ICOS: variants seen among roughly 807,000 people sequenced by gnomAD.
The protein encoded by ICOS is inducible T-cell costimulator.
Under a neutral mutation model 24.6 loss-of-function variants are expected in ICOS, and 15 were observed. The ratio of observed to expected loss-of-function variants is 0.61; its 90% CI spans 0.41 to 0.94. The LOEUF is 0.94. Among genes scored for constraint, ICOS ranks in the 40% least tolerant of loss-of-function variants. ICOS has a pLI of 0.00. For synonymous variants in ICOS, 89 were observed against 77.5 expected, an observed-to-expected ratio of 1.15 and a Z score of -0.78; for missense variants, 200 against 233.0, an observed-to-expected ratio of 0.86 and a Z score of 0.92.
chr2:203,958,847 C>T (rs1044882286), intron 4 of ICOS, among the ~76,000 whole-genome samples: 2 of 152,086 alleles, frequency 1.3e-5, no homozygotes, highest in African/African-American at 4.8e-5. Flanking sequence ...TATGATCTCT[C>T]AATCTCTTTG....
chr2:203,946,416 T>A (rs1689869220), intron 1 of ICOS, among the ~76,000 whole-genome samples: 2 of 151,472 alleles, frequency 1.3e-5, no homozygotes, highest in South Asian at 4.1e-4. Context: ...CCCATTTTTT[T>A]TTTTTTGCTT....
chr2:203,959,956 A>G lies in ICOS; in HGVS notation c.*357A>G, dbSNP rs774432556. On this transcript the variant is annotated 3_prime_UTR_variant, in exon 5 of 5. Coordinates refer to ENST00000316386, the MANE Select transcript of ICOS (RefSeq NM_012092.4). ...AAAATGTTTTAAAGATGCCAGGGGTACTGAATCTGCAAAGCAAATGAGCAG... is the reference window on the plus strand; with the variant it reads ...AAAATGTTTTAAAGATGCCAGGGGTGCTGAATCTGCAAAGCAAATGAGCAG... 2.7e-6 allele frequency: 1 copy of G among 373,304 alleles called. No individual in the cohort carries two copies. Among genetic ancestry groups the G allele is most frequent in the Non-Finnish European group, 5.1e-6 (1 of 194,704 alleles). 23.1% of individuals were successfully genotyped at this position (373,304 alleles called of 1,614,324 possible). A position where few individuals can be genotyped will look rare whatever the true frequency, so the allele number is the denominator to read the frequency against.
At chr2:203,949,285 G>GT (rs1382715914) in intron 1 of ICOS, among the ~76,000 whole-genome samples, 1 of 152,222 alleles carries the variant, frequency 6.6e-6, no homozygotes, top group East Asian at 1.9e-4. Context: ...ACACTCAGTT[G>GT]TTAGTGACCA....
chr2:203,945,365 A>G (rs753527128), intron 1 of ICOS, among the ~76,000 whole-genome samples: 1 of 152,202 alleles, frequency 6.6e-6, no homozygotes, highest in African/African-American at 2.4e-5. Context: ...AGAGGAAGAA[A>G]TGAGGAAGAC....
chr2:203,956,817 A>C (rs1214451910), intron 3 of ICOS, 52 bp downstream of exon 3: 10 of 1,193,482 alleles, frequency 8.4e-6, no homozygotes, highest in Non-Finnish European at 1.0e-5. Context: ...CACATCAGTG[A>C]TTATTTCCTC....
intron 1 of ICOS, among the ~76,000 whole-genome samples, 189 bp downstream of exon 1, chr2:203,937,061 G>T (rs532380362): frequency 1.5e-4 from 23 of 152,236 alleles, no homozygotes; most frequent in South Asian, 6.2e-4. Context: ...TTGCATTGCT[G>T]CCTTTGATAC....
intron 1 of ICOS, among the ~76,000 whole-genome samples, chr2:203,945,098 A>G (rs1341738538): frequency 6.6e-6 from 1 of 152,206 alleles, no homozygotes; most frequent in African/African-American, 2.4e-5. Context: ...TAAGCAATAG[A>G]ACACTAATAG....
chr2:203,938,730 G>A (rs1353177492), intron 1 of ICOS, among the ~76,000 whole-genome samples: 1 of 152,164 alleles, frequency 6.6e-6, no homozygotes, highest in Non-Finnish European at 1.5e-5. Context: ...GCCTTAGGTA[G>A]GATTGTTTTA....
chr2:203,945,762 A>G (rs1184497224), intron 1 of ICOS, among the ~76,000 whole-genome samples: 1 of 152,234 alleles, frequency 6.6e-6, no homozygotes, highest in Admixed American at 6.5e-5. Flanking sequence ...GTTGACCAAC[A>G]TGTCATTTAT....
chr2:203,943,122 T>A (rs1318338112), intron 1 of ICOS, among the ~76,000 whole-genome samples: 2 of 152,246 alleles, frequency 1.3e-5, no homozygotes, highest in African/African-American at 4.8e-5. Flanking sequence ...CCCGATTAGC[T>A]TAATAACTAA....
rs1273996040 is a variant in ICOS, at chr2:203,937,412, T to C, written c.58+540T>C. On this transcript the variant is annotated intron_variant, in intron 1 of 4. Transcript: ENST00000316386. ...CCCTAAAAAGCCAAGGAGGAAAGGA[T>C]AATGTAAAAATACTTCCTAGCCCCT... 3.9e-5 allele frequency among the ~76,000 whole-genome samples: 6 copies of C among 152,158 alleles called. No homozygotes were observed. In the South Asian group the frequency reaches 6.2e-4, roughly 16 times the overall value.
chr2:203,959,845 C>T lies in ICOS; in HGVS notation c.*246C>T. On this transcript the variant is annotated 3_prime_UTR_variant, in exon 5 of 5. Transcript: ENST00000316386. ...AACCAGCTTTGGAGAAAGCCCAGCT[C>T]CTGTGTGCTCACTGGGAGTGGAATC... 1 of 584,406 alleles carries T rather than the reference C, an allele frequency of 1.7e-6. No individual in the cohort carries two copies. The highest frequency in any genetic ancestry group is 3.1e-6 in the Non-Finnish European group (1 of 323,312). The allele number at this position is 584,406 out of a possible 1,614,324, so 36.2% of individuals were successfully genotyped here. A position where few individuals can be genotyped will look rare whatever the true frequency, so the allele number is the denominator to read the frequency against.
chr2:203,954,053 A>C (rs1690030671), intron 1 of ICOS, among the ~76,000 whole-genome samples: 1 of 152,220 alleles, frequency 6.6e-6, no homozygotes, highest in South Asian at 2.1e-4. Context: ...TTCAAAACTT[A>C]GGAAAAAACC....
rs551448464 is a variant in ICOS at position 203,941,888 on chromosome 2, A to T, written c.58+5016A>T. Among the ~76,000 whole-genome samples the T allele has an allele frequency of 3.9e-5, 6 of 152,336 alleles. No individual in the cohort carries two copies. The East Asian group carries it at 9.6e-4, about 24-fold the overall frequency. On this transcript the variant is annotated intron_variant, in intron 1 of 4. Transcript: ENST00000316386. ...AATAGTTTGGCCTGTAAGGTTGACCAAAACAGGTAAAGATTTGCAAGTTTA... is the reference window on the plus strand; with the variant it reads ...AATAGTTTGGCCTGTAAGGTTGACCTAAACAGGTAAAGATTTGCAAGTTTA...
rs144271843 is a variant in ICOS, at chr2:203,954,842, A to G, written c.59-794A>G. 1.5e-3 allele frequency among the ~76,000 whole-genome samples: 221 copies of G among 148,708 alleles called. 1 individual carries two copies. Among genetic ancestry groups the G allele is most frequent in the African/African-American group, 5.0e-3 (207 of 41,026 alleles). On this transcript the variant is annotated intron_variant, in intron 1 of 4. Coordinates refer to ENST00000316386, the MANE Select transcript of ICOS (RefSeq NM_012092.4). ...ACATAGTCTCTATATATTGTAATAT[A>G]CATATACATATAATACATATATTTT...
chr2:203,959,689 AGTCTGACT>A lies in ICOS; in HGVS notation c.*91_*98del. On this transcript the variant is annotated 3_prime_UTR_variant, in exon 5 of 5. Transcript: ENST00000316386. ...TTCTCTTATTTCCGGGACCACGGAG[AGTCTGACT>A]TAACTACATACATCTTCTGCTGGTG... The A allele has an allele frequency of 8.4e-7, 1 of 1,183,982 alleles. No homozygotes were observed. The highest frequency in any genetic ancestry group is 1.3e-6 in the Non-Finnish European group (1 of 790,696). The allele number at this position is 1,183,982 out of a possible 1,614,324, so 73.3% of individuals were successfully genotyped here. A position where few individuals can be genotyped will look rare whatever the true frequency, so the allele number is the denominator to read the frequency against.
intron 1 of ICOS, among the ~76,000 whole-genome samples, chr2:203,940,764 T>C (rs1689752934): frequency 6.6e-6 from 1 of 152,116 alleles, no homozygotes; most frequent in African/African-American, 2.4e-5. Context: ...TCTCTCCCTC[T>C]GTTTCTCTTT....
chr2:203,949,483 CTG>C (rs1689932701), intron 1 of ICOS, among the ~76,000 whole-genome samples: 1 of 152,110 alleles, frequency 6.6e-6, no homozygotes, highest in Admixed American at 6.5e-5. Context: ...CCAGATCTGA[CTG>C]TGTATGATGC....
intron 1 of ICOS, among the ~76,000 whole-genome samples, chr2:203,954,785 A>G (rs149569961): frequency 1.0e-3 from 158 of 151,502 alleles, no homozygotes; most frequent in African/African-American, 3.6e-3. Context: ...ATATGTATGT[A>G]TATGTATACA....
Sources: allele counts gnomAD v4.1 joint callset (sites outside exome capture counted in the v4.1 genomes callset), GRCh38; gene constraint gnomAD v4.1.1; transcripts MANE v1.5; gene names NCBI Gene and HGNC (gene_info 2026-07-23, HGNC 2026-07-21).